Variants in NKTR observed in about 807,000 individuals in gnomAD.
NKTR encodes NK-tumor recognition protein.
In NKTR, 67 loss-of-function variants were observed where a neutral mutation model predicts 156.3. The observed-to-expected ratio is 0.43, with a 90% CI of 0.35 to 0.53. NKTR has a LOEUF of 0.53. Among genes scored for constraint, NKTR ranks in the 20% least tolerant of loss-of-function variants. The pLI is 0.01. For synonymous variants in NKTR, 640 were observed against 596.6 expected, an observed-to-expected ratio of 1.07 and a Z score of -1.06; for missense variants, 1,604 against 1,730.9, an observed-to-expected ratio of 0.93 and a Z score of 1.30.
chr3:42,625,699 T>C (rs1007346640), intron 6 of NKTR, among the ~76,000 whole-genome samples: 11 of 152,180 alleles, frequency 7.2e-5, no homozygotes, highest in African/African-American at 2.7e-4. Context: ...GCTCTAGCTT[T>C]TTCCTTCCTT....
rs779941088 is a variant in NKTR, at chr3:42,638,248, G to A, written c.2544G>A (p.Lys848=). 2.5e-5 allele frequency: 41 copies of A among 1,612,856 alleles called. No individual in the cohort carries two copies. The Admixed American group carries it at 6.2e-4, about 24-fold the overall frequency. The change falls in exon 13 of 17, where the codon AAG becomes AAA. Residue 848 remains lysine (K), a synonymous_variant. Transcript: ENST00000232978. ...AAAACAGAGGTGAAGAAAAATCCAA[G>A]TCTGAACGGGAATGCCCTCATTCAA... ...QEKNRGEEKS[K]SERECPHSKK... is the part of the protein sequence containing the mutation.
intron 13 of NKTR, among the ~76,000 whole-genome samples, chr3:42,640,278 T>C (rs1203485377): frequency 1.3e-5 from 2 of 152,218 alleles, no homozygotes; most frequent in Non-Finnish European, 2.9e-5. Flanking sequence ...AACACCTTTT[T>C]CTCATCTTTG....
rs1211739024 is a variant in NKTR, at chr3:42,643,899, C to T, written c.4200-3C>T. On this transcript the variant is annotated splice_region_variant and splice_polypyrimidine_tract_variant and intron_variant, in intron 15 of 16. Transcript: ENST00000232978. ...TTAGTGTTTGTTGTTGCCGTTAAAG[C>T]AGGTCCTACACCTACGATAGCTACT... 2.5e-6 allele frequency: 4 copies of T among 1,608,264 alleles called. No individual in the cohort carries two copies. The highest frequency in any genetic ancestry group is 2.7e-5 in the African/African-American group (2 of 74,584).
chr3:42,613,774 A>G (rs1410545942), intron 2 of NKTR, among the ~76,000 whole-genome samples: 1 of 152,186 alleles, frequency 6.6e-6, no homozygotes, highest in African/African-American at 2.4e-5. Context: ...TGTTGATATT[A>G]CCTGATTAAT....
chr3:42,616,937 T>G (rs1707425972), intron 2 of NKTR, among the ~76,000 whole-genome samples: 2 of 152,136 alleles, frequency 1.3e-5, no homozygotes, highest in Admixed American at 1.3e-4. Context: ...AAATTTTTTG[T>G]AGAGACAGGG....
chr3:42,640,094 T>C (rs1709754897), intron 13 of NKTR, among the ~76,000 whole-genome samples: 1 of 152,210 alleles, frequency 6.6e-6, no homozygotes, highest in African/African-American at 2.4e-5. Context: ...TGACAGAATA[T>C]ATAGAATTTG....
rs148061932 is a variant in NKTR at position 42,612,087 on chromosome 3, C to T, written c.59-5483C>T. 3.8e-3 allele frequency among the ~76,000 whole-genome samples: 583 copies of T among 152,194 alleles called. 5 individuals are homozygous for T. Among genetic ancestry groups the T allele is most frequent in the African/African-American group, 0.013 (549 of 41,542 alleles). Reference sequence around the variant, plus strand: ...TTGCACTACAACCTGGGGAACAGAGCGAGACTCTGTCTCTTAAAAAATAAA... The same window carrying T: ...TTGCACTACAACCTGGGGAACAGAGTGAGACTCTGTCTCTTAAAAAATAAA... On this transcript the variant is annotated intron_variant, in intron 2 of 16. Transcript: ENST00000232978.
chr3:42,621,060 G>A, intron 5 of NKTR: 1 of 984,524 alleles, frequency 1.0e-6, no homozygotes, highest in Non-Finnish European at 1.2e-6. Flanking sequence ...AGCACATTAG[G>A]CAAGCTAATT....
chr3:42,632,839 C>A lies in NKTR; in HGVS notation c.773+16C>A. The stretch of plus-strand genomic sequence containing the variant: ...ACCCAAAAGGGTACGTGTAAAACAC[C>A]AATGTACTCTTACCTAAAAACAAAC... On this transcript the variant is annotated intron_variant, in intron 9 of 16. Transcript: ENST00000232978. 1 of 1,527,746 alleles carries A rather than the reference C, an allele frequency of 6.5e-7. No individual in the cohort carries two copies. The highest frequency in any genetic ancestry group is 1.3e-5 in the South Asian group (1 of 74,686). The allele number at this position is 1,527,746 out of a possible 1,614,324, so 94.6% of individuals were successfully genotyped here. A position where few individuals can be genotyped will look rare whatever the true frequency, so the allele number is the denominator to read the frequency against.
intron 13 of NKTR, among the ~76,000 whole-genome samples, chr3:42,640,699 A>G (rs890840428): frequency 2.0e-5 from 3 of 152,020 alleles, no homozygotes; most frequent in African/African-American, 7.3e-5. Flanking sequence ...CCCTCCCCGC[A>G]TCTCTTAGTT....
At chr3:42,630,724 C>G in intron 7 of NKTR, 149 bp downstream of exon 7, 1 of 1,449,534 alleles carries the variant, frequency 6.9e-7, no homozygotes, top group Non-Finnish European at 9.1e-7. Flanking sequence ...ACAGAATATA[C>G]TTGTTTTGAG....
chr3:42,612,599 A>G (rs1425793560), intron 2 of NKTR, among the ~76,000 whole-genome samples: 1 of 152,148 alleles, frequency 6.6e-6, no homozygotes, highest in Non-Finnish European at 1.5e-5. Context: ...CACTCTTCCT[A>G]CTAGTTCTCA....
In NKTR at chr3:42,646,319, C is replaced by A; in HGVS notation, c.*344C>A. Reference sequence around the variant, plus strand: ...CCCTTAGAATACAGATTCTTTTTGCCTGTTTTTCCAGTTTTAGCATATATG... The same window carrying A: ...CCCTTAGAATACAGATTCTTTTTGCATGTTTTTCCAGTTTTAGCATATATG... On this transcript the variant is annotated 3_prime_UTR_variant, in exon 17 of 17. Coordinates refer to ENST00000232978, the MANE Select transcript of NKTR (RefSeq NM_005385.4). 1 of 212,652 alleles carries A rather than the reference C, an allele frequency of 4.7e-6. No individual in the cohort carries two copies. Among genetic ancestry groups the A allele is most frequent in the Non-Finnish European group, 9.7e-6 (1 of 103,166 alleles). 13.2% of individuals were successfully genotyped at this position (212,652 alleles called of 1,614,324 possible).
chr3:42,613,476 G>A (rs1304434375), intron 2 of NKTR, among the ~76,000 whole-genome samples: 9 of 152,000 alleles, frequency 5.9e-5, no homozygotes. Flanking sequence ...TGTTCTATGG[G>A]CTATTCTTTG....
chr3:42,604,895 G>T (rs1314727635), intron 2 of NKTR, among the ~76,000 whole-genome samples: 2 of 151,658 alleles, frequency 1.3e-5, no homozygotes, highest in Admixed American at 6.6e-5. Flanking sequence ...TCTTCATGAT[G>T]CCCAGGCTGG....
Position 42,632,778 on chromosome 3 carries a change from G to A in NKTR, c.728G>A (p.Ser243Asn), listed in dbSNP as rs1262017672. The change falls in exon 9 of 17, where the codon AGC becomes AAC. Residue 243 changes from serine (S) to asparagine (N), a missense_variant. This residue lies in a region of NKTR where 1,255 missense variants were observed against 1,243.7 expected (regional missense o/e 1.01). Transcript: ENST00000232978. ...TCTAAAAAGAGGCGAAAGGAAGCAA[G>A]CAGTTCAGAAGAGCCAAGGAATAAA... ...KRSKKRRKEA[S>N]SSEEPRNKHA... The A allele has an allele frequency of 6.2e-7, 1 of 1,612,216 alleles. No homozygotes were observed. The highest frequency in any genetic ancestry group is 8.5e-7 in the Non-Finnish European group (1 of 1,179,476).
chr3:42,628,052 A>C (rs1015557280), intron 6 of NKTR: 1 of 985,298 alleles, frequency 1.0e-6, no homozygotes, highest in African/African-American at 1.7e-5. Context: ...AAGTGCCAGT[A>C]ACCCTGCTTT....
chr3:42,614,259 C>T (rs1197436361), intron 2 of NKTR, among the ~76,000 whole-genome samples: 4 of 152,166 alleles, frequency 2.6e-5, no homozygotes, highest in Admixed American at 2.6e-4. Context: ...GTTACTGTCA[C>T]ACTTATTTTT....
intron 10 of NKTR, 38 bp downstream of exon 10, chr3:42,633,773 C>T (rs576585617): frequency 1.2e-5 from 19 of 1,610,588 alleles, no homozygotes; most frequent in African/African-American, 1.1e-4. Flanking sequence ...TTTATTTCTC[C>T]GATAACACTG....
Sources: gnomAD v4.1 joint callset for allele counts (sites outside exome capture counted in the v4.1 genomes callset) on GRCh38, gnomAD v4.1.1 for gene constraint, gnomAD v4.1.1 regional missense constraint, MANE v1.5 for transcripts, NCBI Gene and HGNC (gene_info 2026-07-23, HGNC 2026-07-21) for gene names.